Variants in ATRNL1 observed in about 807,000 individuals in gnomAD.
The protein encoded by ATRNL1 is attractin-like protein 1.
A neutral mutation model predicts 182.7 loss-of-function variants in ATRNL1; 95 were observed. The ratio of observed to expected loss-of-function variants is 0.52; its 90% CI spans 0.44 to 0.62. The LOEUF (loss-of-function observed/expected upper bound fraction) is 0.62, where lower values mean the gene tolerates loss of function less well. ATRNL1 is among the 20% of genes least tolerant of loss of function. The pLI, the probability that ATRNL1 is intolerant of heterozygous loss-of-function variation, is 0.00. For missense variants in ATRNL1, 1,471 were observed against 1,679.5 expected (o/e 0.88, Z 2.17); for synonymous variants, 576 against 568.3 (o/e 1.01, Z -0.19).
intron 26 of ATRNL1, among the ~76,000 whole-genome samples, chr10:115,589,679 A>C (rs1440950097): frequency 6.6e-6 from 1 of 152,200 alleles, no homozygotes; most frequent in African/African-American, 2.4e-5. Context: ...ATAATTTTTA[A>C]CAAAAATTTA....
chr10:115,164,414 A>G (rs782318084), intron 6 of ATRNL1, among the ~76,000 whole-genome samples: 9 of 152,138 alleles, frequency 5.9e-5, no homozygotes, highest in Non-Finnish European at 1.2e-4. Context: ...ATTATGGTAA[A>G]CAGTGCGGAG....
intron 8 of ATRNL1, among the ~76,000 whole-genome samples, chr10:115,205,625 TTA>T (rs1415840215): frequency 2.0e-5 from 3 of 151,912 alleles, no homozygotes; most frequent in Non-Finnish European, 4.4e-5. Flanking sequence ...ATATTTACTA[TTA>T]TCTCTTTGTA....
chr10:115,930,390 ACTTCAGAACTAGCCATACACAAG>A (rs1953359569), intron 28 of ATRNL1, among the ~76,000 whole-genome samples: 1 of 152,094 alleles, frequency 6.6e-6, no homozygotes, highest in South Asian at 2.1e-4. Flanking sequence ...CATCCCATAA[ACTTCAGAACTAGCCATACACAAG>A]CTTCAGAACT....
At chr10:115,258,730 G>T (rs1272243978) in intron 10 of ATRNL1, among the ~76,000 whole-genome samples, 1 of 152,062 alleles carries the variant, frequency 6.6e-6, no homozygotes, top group Non-Finnish European at 1.5e-5. Flanking sequence ...TTTCTGCTCT[G>T]GTTTCTCCCC....
intron 10 of ATRNL1, among the ~76,000 whole-genome samples, chr10:115,253,535 G>T (rs2133848816): frequency 6.6e-6 from 1 of 152,120 alleles, no homozygotes; most frequent in Non-Finnish European, 1.5e-5. Flanking sequence ...TCAGATGATT[G>T]ACACCAAATA....
At chr10:115,440,343 G>A (rs887009256) in intron 21 of ATRNL1, among the ~76,000 whole-genome samples, 8 of 151,784 alleles carry the variant, frequency 5.3e-5, no homozygotes, top group African/African-American at 1.9e-4. Flanking sequence ...TGGTTCTGGG[G>A]TTTTATTCTT....
At chr10:115,381,297 C>G (rs1554950994) in intron 19 of ATRNL1, among the ~76,000 whole-genome samples, 1 of 151,860 alleles carries the variant, frequency 6.6e-6, no homozygotes, top group Non-Finnish European at 1.5e-5. Flanking sequence ...GACAGAGTCT[C>G]ACTCTGTCGC....
At chr10:115,096,666 A>G (rs782090442) in intron 1 of ATRNL1, 9 of 1,288,936 alleles carry the variant, frequency 7.0e-6, no homozygotes, top group Non-Finnish European at 1.0e-6. Context: ...GGGAATAAAA[A>G]TGTTCTTCAA....
chr10:115,527,894 C>CCCTT (rs782069780), intron 25 of ATRNL1, among the ~76,000 whole-genome samples: 1 of 59,018 alleles, frequency 1.7e-5, no homozygotes, highest in Admixed American at 1.5e-4. Flanking sequence ...CTCCTTCCCT[C>CCCTT]CCTTCCTTCC....
chr10:115,209,621 C>G (rs1222038024), intron 8 of ATRNL1, among the ~76,000 whole-genome samples: 2 of 151,312 alleles, frequency 1.3e-5, no homozygotes, highest in Non-Finnish European at 3.0e-5. Context: ...TACTTTTGAA[C>G]CAGTGGTTTA....
chr10:115,714,044 G>A (rs1489679200), intron 26 of ATRNL1, among the ~76,000 whole-genome samples: 1 of 152,142 alleles, frequency 6.6e-6, no homozygotes, highest in Non-Finnish European at 1.5e-5. Flanking sequence ...AGAAATAGTT[G>A]CATTTGCATA....
chr10:115,144,124 G>A (rs1592161388), intron 5 of ATRNL1, among the ~76,000 whole-genome samples: 2 of 151,014 alleles, frequency 1.3e-5, no homozygotes, highest in Non-Finnish European at 3.0e-5. Context: ...GATTACAGGT[G>A]CCCACCACCA....
At chr10:115,826,561 C>T (rs1950437772) in intron 27 of ATRNL1, among the ~76,000 whole-genome samples, 1 of 152,070 alleles carries the variant, frequency 6.6e-6, no homozygotes, top group African/African-American at 2.4e-5. Flanking sequence ...GGTGTTAGAG[C>T]TCTTTTTGCT....
chr10:115,756,730 T>C (rs1948599688), intron 27 of ATRNL1, among the ~76,000 whole-genome samples: 1 of 152,168 alleles, frequency 6.6e-6, no homozygotes, highest in African/African-American at 2.4e-5. Flanking sequence ...TAATTATCTG[T>C]CTCGTTGATC....
chr10:115,851,328 T>G (rs1047700951), intron 28 of ATRNL1, among the ~76,000 whole-genome samples: 5 of 151,724 alleles, frequency 3.3e-5, no homozygotes, highest in Non-Finnish European at 5.9e-5. Flanking sequence ...AGGAGCTAGT[T>G]TGGCCATCTC....
intron 26 of ATRNL1, among the ~76,000 whole-genome samples, chr10:115,637,549 T>A (rs907841967): frequency 6.6e-6 from 1 of 150,928 alleles, no homozygotes; most frequent in African/African-American, 2.4e-5. Context: ...ATTAAAAAAA[T>A]TACAAAGCTT....
chr10:115,258,869 G>T (rs565960136), intron 10 of ATRNL1, among the ~76,000 whole-genome samples: 63 of 152,266 alleles, frequency 4.1e-4, no homozygotes, highest in African/African-American at 1.5e-3. Context: ...CTAACAGTCA[G>T]GTCCCTCAGC....
chr10:115,848,624 T>C (rs1342254283), intron 28 of ATRNL1, among the ~76,000 whole-genome samples: 1 of 152,200 alleles, frequency 6.6e-6, no homozygotes, highest in Admixed American at 6.5e-5. Context: ...TAATTATACC[T>C]GTCCTCTTAG....
At chr10:115,250,129 T>G (rs977799634) in intron 10 of ATRNL1, among the ~76,000 whole-genome samples, 1 of 152,208 alleles carries the variant, frequency 6.6e-6, no homozygotes, top group African/African-American at 2.4e-5. Flanking sequence ...AGCTACATAC[T>G]TACACAGATT....
Sources: allele counts gnomAD v4.1 joint callset (sites outside exome capture counted in the v4.1 genomes callset), GRCh38; gene constraint gnomAD v4.1.1; transcripts MANE v1.5; gene names NCBI Gene and HGNC (gene_info 2026-07-23, HGNC 2026-07-21).